The following PLEKHH1 variants were observed in gnomAD, a reference collection of about 807,000 sequenced individuals.
PLEKHH1 encodes pleckstrin homology domain-containing family H member 1.
A neutral mutation model predicts 160.0 loss-of-function variants in PLEKHH1; 104 were observed. That is an observed-to-expected ratio of 0.65 (90% confidence interval 0.55 to 0.76). PLEKHH1 has a LOEUF of 0.76. Among genes scored for constraint, PLEKHH1 ranks in the 30% least tolerant of loss-of-function variants. PLEKHH1 has a pLI of 0.00. For synonymous variants in PLEKHH1, 619 were observed against 678.4 expected, an observed-to-expected ratio of 0.91 and a Z score of 1.36; for missense variants, 1,427 against 1,724.1, an observed-to-expected ratio of 0.83 and a Z score of 3.05.
chr14:67,563,036 G>C, intron 7 of PLEKHH1, 142 bp downstream of exon 7: 1 of 790,010 alleles, frequency 1.3e-6, no homozygotes, highest in Non-Finnish European at 2.0e-6. Flanking sequence ...CATGGAGCCT[G>C]TGCAGACCAC....
In PLEKHH1 at chr14:67,569,911, C is replaced by T; in HGVS notation, c.1343-10C>T. 8.8e-6 allele frequency: 14 copies of T among 1,582,840 alleles called. No homozygotes were observed. Among genetic ancestry groups the T allele is most frequent in the East Asian group, 2.2e-5 (1 of 44,600 alleles). ...CCTTGAGTAATCTCATTCCTCTCTT[C>T]CCTGCTCAGCTTCAAGCCCTCCTGC... On this transcript the variant is annotated splice_polypyrimidine_tract_variant and intron_variant, in intron 8 of 28. Coordinates refer to ENST00000329153, the MANE Select transcript of PLEKHH1 (RefSeq NM_020715.3).
At chr14:67,555,742 CA>C in intron 2 of PLEKHH1, 82 bp from the exon 3 acceptor site, 1 of 1,565,362 alleles carries the variant, frequency 6.4e-7, no homozygotes, top group Non-Finnish European at 8.7e-7. Flanking sequence ...GCAGTGTGTG[CA>C]CAGTTCTCTA....
chr14:67,546,314 C>T (rs893564919), intron 2 of PLEKHH1, among the ~76,000 whole-genome samples: 9 of 151,940 alleles, frequency 5.9e-5, no homozygotes, highest in African/African-American at 9.7e-5. Flanking sequence ...TTGACGAAGC[C>T]GAATGGTGGA....
At chr14:67,577,193 C>A (rs374640404) in intron 17 of PLEKHH1, 109 bp from the exon 18 acceptor site, 9 of 738,178 alleles carry the variant, frequency 1.2e-5, no homozygotes, top group Non-Finnish European at 1.8e-5. Context: ...CAAGTGTTGA[C>A]GGAAGATAAA....
In PLEKHH1 at chr14:67,574,446, G is replaced by A. The variant is rs747750245; in HGVS notation, c.2088+43G>A. 7 of 1,417,576 alleles carry A rather than the reference G, an allele frequency of 4.9e-6. No homozygotes were observed. The Admixed American group carries it at 1.1e-4, about 23-fold the overall frequency. 87.8% of individuals were successfully genotyped at this position (1,417,576 alleles called of 1,614,324 possible). On this transcript the variant is annotated intron_variant, in intron 14 of 28. Transcript: ENST00000329153. The surrounding 1 kb of genome is among the most constrained non-coding windows in gnomAD (Gnocchi z 4.2). Reference sequence around the variant, plus strand: ...TAGGGCAGGAACATGTGCCTCCTGCGAATCAGGGGAGCCAGGATTGGGGTG... The same window carrying A: ...TAGGGCAGGAACATGTGCCTCCTGCAAATCAGGGGAGCCAGGATTGGGGTG...
Position 67,582,041 on chromosome 14 carries a change from T to A in PLEKHH1, c.3285-28T>A, listed in dbSNP as rs1382243383. 6.3e-7 allele frequency: 1 copy of A among 1,595,860 alleles called. No homozygotes were observed. The highest frequency in any genetic ancestry group is 8.5e-7 in the Non-Finnish European group (1 of 1,171,244). On this transcript the variant is annotated intron_variant, in intron 23 of 28. Coordinates refer to ENST00000329153, the MANE Select transcript of PLEKHH1 (RefSeq NM_020715.3). The surrounding 1 kb of genome is among the most constrained non-coding windows in gnomAD (Gnocchi z 5.0). ...ATCCCTGTTTGGAATCCCTGCTGAG[T>A]CCTGGTTTCTTATTCTCTTCTTTGT...
chr14:67,552,121 G>C (rs1197196764), intron 2 of PLEKHH1, among the ~76,000 whole-genome samples: 2 of 152,210 alleles, frequency 1.3e-5, no homozygotes, highest in Non-Finnish European at 2.9e-5. Flanking sequence ...GCTGCAGCCA[G>C]TTCTAGGGCA....
intron 1 of PLEKHH1, among the ~76,000 whole-genome samples, chr14:67,538,432 C>T (rs77104049): frequency 1.2e-4 from 18 of 152,284 alleles, no homozygotes; most frequent in East Asian, 7.7e-4. Flanking sequence ...ATAACACATG[C>T]GTCGCAATGC....
chr14:67,586,386 C>T, intron 28 of PLEKHH1: 1 of 1,370,486 alleles, frequency 7.3e-7, no homozygotes, highest in Non-Finnish European at 9.6e-7. Flanking sequence ...TCATGCAGTC[C>T]TCAGTTGGGT....
intron 9 of PLEKHH1, 35 bp from the exon 10 acceptor site, chr14:67,571,717 C>T: frequency 6.2e-7 from 1 of 1,601,578 alleles, no homozygotes; most frequent in Non-Finnish European, 8.6e-7. Flanking sequence ...TGTTTTGCAG[C>T]CTGAGCTGCA....
Position 67,572,203 on chromosome 14 carries a change from A to G in PLEKHH1, c.1654A>G (p.Ser552Gly). The change falls in exon 11 of 29, where the codon AGT becomes GGT. Residue 552 changes from serine to glycine, a missense_variant. Physicochemically the swap from Ser to Gly is moderately conservative, Grantham distance 56. This residue lies in a region of PLEKHH1 where 831 missense variants were observed against 929.2 expected (regional missense o/e 0.89). Coordinates refer to ENST00000329153, the MANE Select transcript of PLEKHH1 (RefSeq NM_020715.3). ...AIPPDACSLDSDYSEPEHKLQ... is the reference protein window; with the variant it reads ...AIPPDACSLDGDYSEPEHKLQ... The stretch of plus-strand genomic sequence containing the variant: ...CCCCCCGGACGCCTGCTCACTGGAC[A>G]GTGACTACTCAGAGCCTGAGCACAA... The G allele has an allele frequency of 6.2e-7, 1 of 1,609,352 alleles. No individual in the cohort carries two copies. The highest frequency in any genetic ancestry group is 8.5e-7 in the Non-Finnish European group (1 of 1,178,056).
chr14:67,572,448 A>G (rs2035436085), intron 11 of PLEKHH1, among the ~76,000 whole-genome samples, 171 bp downstream of exon 11: 1 of 152,074 alleles, frequency 6.6e-6, no homozygotes. Flanking sequence ...AGTCAGACAC[A>G]CAGACCCCAC....
chr14:67,574,416 G>A lies in PLEKHH1; in HGVS notation c.2088+13G>A. The A allele has an allele frequency of 6.6e-7, 1 of 1,516,216 alleles. No individual in the cohort carries two copies. Among genetic ancestry groups the A allele is most frequent in the Non-Finnish European group, 8.8e-7 (1 of 1,131,030 alleles). The allele number at this position is 1,516,216 out of a possible 1,614,324, so 93.9% of individuals were successfully genotyped here. On this transcript the variant is annotated intron_variant, in intron 14 of 28. Transcript: ENST00000329153. This position sits in a 1 kb window ranked among gnomAD's most constrained non-coding sequence, Gnocchi z 4.2. ...CTGGCTGACCAAGGTAGAGGGTGGG[G>A]CTGATAGGGCAGGAACATGTGCCTC...
chr14:67,586,905 C>A (rs1331950360), intron 28 of PLEKHH1, 169 bp from the exon 29 acceptor site: 1 of 1,533,932 alleles, frequency 6.5e-7, no homozygotes, highest in African/African-American at 1.4e-5. Context: ...ACCACTGGGC[C>A]TCTGAACAGC....
intron 9 of PLEKHH1, chr14:67,571,072 T>A (rs2035352112): frequency 6.6e-6 from 1 of 152,408 alleles, no homozygotes; most frequent in Admixed American, 6.5e-5. Context: ...CGAAGCACCA[T>A]AACTATTAAT....
intron 4 of PLEKHH1, among the ~76,000 whole-genome samples, chr14:67,559,221 G>T (rs952435247): frequency 1.3e-5 from 2 of 151,086 alleles, no homozygotes; most frequent in African/African-American, 4.9e-5. Context: ...AACTATAAAG[G>T]TAACACATGC....
At chr14:67,579,947 T>C in intron 22 of PLEKHH1, 71 bp downstream of exon 22, 2 of 1,398,034 alleles carry the variant, frequency 1.4e-6, no homozygotes, top group Non-Finnish European at 2.0e-6. Flanking sequence ...AAAGAGCCCA[T>C]CTGATGGGTG....
intron 3 of PLEKHH1, among the ~76,000 whole-genome samples, chr14:67,557,029 T>C (rs2034621783): frequency 6.6e-6 from 1 of 152,194 alleles, no homozygotes; most frequent in Non-Finnish European, 1.5e-5. Context: ...GCCCTCCTCT[T>C]ACCTATCTCT....
intron 26 of PLEKHH1, 70 bp downstream of exon 26, chr14:67,584,194 C>G: frequency 6.6e-7 from 1 of 1,507,872 alleles, no homozygotes; most frequent in Non-Finnish European, 9.1e-7. Flanking sequence ...TGAGCCATAC[C>G]AATTTGCAGC....
Sources: allele counts gnomAD v4.1 joint callset (sites outside exome capture counted in the v4.1 genomes callset), GRCh38; gene constraint gnomAD v4.1.1; regional missense constraint gnomAD v4.1.1; non-coding constraint Gnocchi (gnomAD v3.1); transcripts MANE v1.5; gene names NCBI Gene and HGNC (gene_info 2026-07-23, HGNC 2026-07-21).